The following SNRK variants were observed in gnomAD, a reference collection of about 807,000 sequenced individuals.
SNRK encodes the protein SNF related kinase.
A neutral mutation model predicts 48.2 loss-of-function variants in SNRK; 3 were observed. That is an observed-to-expected ratio of 0.06 (90% CI 0.03 to 0.16). The LOEUF is 0.16. SNRK is among the 10% of genes least tolerant of loss of function. SNRK has a pLI of 1.00. For synonymous variants in SNRK, 376 were observed against 366.1 expected, an observed-to-expected ratio of 1.03 and a Z score of -0.31; for missense variants, 627 against 976.0, an observed-to-expected ratio of 0.64 and a Z score of 4.76.
At chr3:43,325,954 G>A (rs553688400) in intron 3 of SNRK, among the ~76,000 whole-genome samples, 29 of 152,108 alleles carry the variant, frequency 1.9e-4, no homozygotes, top group African/African-American at 4.6e-4. Flanking sequence ...TGATGTTTTC[G>A]CCATCTTATC....
chr3:43,329,688 G>T lies in SNRK; in HGVS notation c.590-2481G>T, dbSNP rs73831254. ...TTTGAGCCCTAACTGAAAACTGTGG[G>T]ACTGTATATTTATGTTGCTTTTCTT... is the stretch of plus-strand genomic sequence containing the variant. On this transcript the variant is annotated intron_variant, in intron 3 of 6. Transcript: ENST00000296088. Among the ~76,000 whole-genome samples, 1,062 of 152,172 alleles carry T rather than the reference G, an allele frequency of 7.0e-3. 13 individuals carry two copies. The highest frequency in any genetic ancestry group is 0.024 in the African/African-American group (997 of 41,506).
intron 2 of SNRK, among the ~76,000 whole-genome samples, chr3:43,300,163 A>C (rs991844281): frequency 6.6e-6 from 1 of 152,182 alleles, no homozygotes; most frequent in Non-Finnish European, 1.5e-5. Flanking sequence ...TTGTTTCACT[A>C]TAGGGTACTC....
At chr3:43,340,543 T>G (rs1054331543) in intron 5 of SNRK, 44 bp downstream of exon 5, 1 of 1,544,654 alleles carries the variant, frequency 6.5e-7, no homozygotes, top group Non-Finnish European at 8.9e-7. Flanking sequence ...GGTTTAGGAT[T>G]CTTGGAATGG....
chr3:43,343,987 G>T (rs1383860361), intron 6 of SNRK, among the ~76,000 whole-genome samples: 1 of 152,138 alleles, frequency 6.6e-6, no homozygotes, highest in Admixed American at 6.5e-5. Flanking sequence ...TTGGGAGGTT[G>T]CTTAACCTCT....
chr3:43,299,471 CG>C (rs2090882523), intron 1 of SNRK, among the ~76,000 whole-genome samples: 1 of 152,146 alleles, frequency 6.6e-6, no homozygotes, highest in African/African-American at 2.4e-5. Flanking sequence ...CCACCGCACC[CG>C]GCCTTGTTCA....
intron 3 of SNRK, among the ~76,000 whole-genome samples, chr3:43,306,363 G>A (rs1385947116): frequency 6.6e-6 from 1 of 152,088 alleles, no homozygotes; most frequent in Non-Finnish European, 1.5e-5. Flanking sequence ...TATATTGTGA[G>A]ATGTTACTAA....
intron 1 of SNRK, 102 bp downstream of exon 1, chr3:43,286,777 G>C (rs2090767270): frequency 6.8e-6 from 1 of 147,732 alleles, no homozygotes; most frequent in African/African-American, 2.4e-5. Flanking sequence ...CGGGCTGGGC[G>C]CCCGGGCCGG....
chr3:43,341,507 C>T (rs947712485), intron 5 of SNRK, among the ~76,000 whole-genome samples: 4 of 152,220 alleles, frequency 2.6e-5, no homozygotes, highest in Non-Finnish European at 5.9e-5. Context: ...AGGAAAGAGG[C>T]ATTTGCTTTT....
chr3:43,316,289 T>A (rs1575543770), intron 3 of SNRK, among the ~76,000 whole-genome samples: 1 of 152,116 alleles, frequency 6.6e-6, no homozygotes. Context: ...AGTGGTAGGG[T>A]AGGATTTAAA....
At chr3:43,294,864 G>A (rs2090840608) in intron 1 of SNRK, among the ~76,000 whole-genome samples, 3 of 152,040 alleles carry the variant, frequency 2.0e-5, no homozygotes, top group African/African-American at 7.2e-5. Context: ...TTAGATCAGA[G>A]ATTTAGATTA....
chr3:43,320,794 G>A (rs896145463), intron 3 of SNRK, among the ~76,000 whole-genome samples: 4 of 151,974 alleles, frequency 2.6e-5, no homozygotes, highest in Non-Finnish European at 4.4e-5. Flanking sequence ...GTGATCCATT[G>A]AAACTCCTGA....
chr3:43,312,460 T>C (rs2090985513), intron 3 of SNRK, among the ~76,000 whole-genome samples: 1 of 152,128 alleles, frequency 6.6e-6, no homozygotes, highest in Non-Finnish European at 1.5e-5. Flanking sequence ...CTTTGCCTGC[T>C]CTAAGTAAAC....
chr3:43,324,782 T>G (rs888409625), intron 3 of SNRK, among the ~76,000 whole-genome samples: 3 of 152,210 alleles, frequency 2.0e-5, no homozygotes, highest in African/African-American at 7.2e-5. Flanking sequence ...ATGTCTAATT[T>G]AGGTGTTATG....
rs2091307820 is a variant in SNRK at position 43,349,655 on chromosome 3, T to C, written c.*1098T>C. On this transcript the variant is annotated 3_prime_UTR_variant, in exon 7 of 7. Coordinates refer to ENST00000296088, the MANE Select transcript of SNRK (RefSeq NM_017719.5). ...AAATGCACAAAGCCTGCTTCGTAAC[T>C]TTTTTTTCTGGAATTGTTTTTCACT... The C allele has an allele frequency of 6.6e-6, 1 of 152,120 alleles. No individual in the cohort carries two copies. Among genetic ancestry groups the C allele is most frequent in the Non-Finnish European group, 1.5e-5 (1 of 67,992 alleles). The allele number at this position is 152,120 out of a possible 1,614,324, so 9.4% of individuals were successfully genotyped here. A position where few individuals can be genotyped will look rare whatever the true frequency, so the allele number is the denominator to read the frequency against.
At chr3:43,290,402 T>C (rs1215571909) in intron 1 of SNRK, among the ~76,000 whole-genome samples, 1 of 152,248 alleles carries the variant, frequency 6.6e-6, no homozygotes, top group Non-Finnish European at 1.5e-5. Context: ...ATGTTGTAGA[T>C]GTTCCTGTCC....
intron 3 of SNRK, among the ~76,000 whole-genome samples, chr3:43,326,026 A>G (rs543201679): frequency 1.5e-3 from 224 of 152,226 alleles, no homozygotes; most frequent in Middle Eastern, 6.8e-3. Context: ...AAATGATTTT[A>G]TGAAGGAATG....
chr3:43,290,061 A>G (rs996383111), intron 1 of SNRK, among the ~76,000 whole-genome samples: 9 of 152,246 alleles, frequency 5.9e-5, no homozygotes, highest in East Asian at 1.9e-4. Flanking sequence ...ATTACACAAC[A>G]TAACGGTGGT....
At chr3:43,325,928 A>G (rs185513479) in intron 3 of SNRK, among the ~76,000 whole-genome samples, 26 of 152,248 alleles carry the variant, frequency 1.7e-4, no homozygotes, top group African/African-American at 6.0e-4. Context: ...CCACACTGAA[A>G]GAAATCGCCC....
chr3:43,325,598 A>G (rs1284004349), intron 3 of SNRK, among the ~76,000 whole-genome samples: 2 of 152,250 alleles, frequency 1.3e-5, no homozygotes, highest in Middle Eastern at 3.2e-3. Context: ...ATCTAGTTGC[A>G]TTTGACTGAC....
Sources: gnomAD v4.1 joint callset for allele counts (sites outside exome capture counted in the v4.1 genomes callset) on GRCh38, gnomAD v4.1.1 for gene constraint, MANE v1.5 for transcripts, NCBI Gene and HGNC (gene_info 2026-07-23, HGNC 2026-07-21) for gene names.